The following HEPHL1 variants were observed in gnomAD, a reference collection of about 807,000 sequenced individuals.
HEPHL1 encodes the protein hephaestin like 1, also known as ferroxidase HEPHL1.
HEPHL1 carries 123 observed loss-of-function variants against 122.0 expected under a neutral mutation model. The ratio of observed to expected loss-of-function variants is 1.01; its 90% confidence interval spans 0.87 to 1.17. The LOEUF (loss-of-function observed/expected upper bound fraction) is 1.17. Among genes scored for constraint, HEPHL1 ranks in the 50% most tolerant of loss-of-function variants. The probability of loss-of-function intolerance (pLI) is 0.00; values close to 1 mark genes in which losing one functional copy is unlikely to be tolerated. For missense variants in HEPHL1, 1,452 were observed against 1,430.5 expected (o/e 1.01, Z -0.24); for synonymous variants, 527 against 508.9 (o/e 1.04, Z -0.48).
In HEPHL1 at chr11:94,045,838, T is replaced by A. The variant is rs372021195; in HGVS notation, c.336T>A (p.Ile112=). The change falls in exon 2 of 20, where the codon ATT becomes ATA. Residue 112 remains isoleucine, a synonymous_variant. Transcript: ENST00000315765. ...PILRAEVGDV[I]VIHLKNFASR... ...TGAGGGCCGAAGTGGGTGATGTGAT[T>A]GTCATTCATTTAAAGAACTTTGCTT... 12 of 1,613,804 alleles carry A rather than the reference T, an allele frequency of 7.4e-6. No homozygotes were observed. The African/African-American group carries it at 1.5e-4, about 20-fold the overall frequency.
Position 94,106,779 on chromosome 11 carries a change from T to C in HEPHL1, c.3045+649T>C, listed in dbSNP as rs149062848. 4.8e-3 allele frequency among the ~76,000 whole-genome samples: 727 copies of C among 152,318 alleles called. 3 individuals are homozygous for C. Among genetic ancestry groups the C allele is most frequent in the Admixed American group, 0.01 (158 of 15,306 alleles). On this transcript the variant is annotated intron_variant, in intron 17 of 19. Coordinates refer to ENST00000315765, the MANE Select transcript of HEPHL1 (RefSeq NM_001098672.2). ...TCCCTTTTCCTCACCCTTCCTTTTT[T>C]CTTTCCCTTTCCTTCTCCCCACCCT...
At chr11:94,021,810 G>A (rs1276389327) in intron 1 of HEPHL1, among the ~76,000 whole-genome samples, 9 of 152,286 alleles carry the variant, frequency 5.9e-5, no homozygotes, top group African/African-American at 2.2e-4. Flanking sequence ...TTTCCACCAG[G>A]TACTACTAGT....
intron 13 of HEPHL1, among the ~76,000 whole-genome samples, chr11:94,099,454 G>A (rs952244228): frequency 6.6e-6 from 1 of 152,148 alleles, no homozygotes; most frequent in East Asian, 1.9e-4. Flanking sequence ...AGGCTACTTG[G>A]GTGTCAGGGA....
chr11:94,075,190 G>T lies in HEPHL1; in HGVS notation c.1521G>T (p.Gly507=), dbSNP rs755078094. 6.2e-7 allele frequency: 1 copy of T among 1,612,866 alleles called. No homozygotes were observed. Among genetic ancestry groups the T allele is most frequent in the South Asian group, 1.1e-5 (1 of 90,928 alleles). The change falls in exon 9 of 20, where the codon GGG becomes GGT. Residue 507 remains glycine, a synonymous_variant. Transcript: ENST00000315765. ...TATCCTCAGGATTTGTGAAACCAGG[G>T]GCGCATGTTAAACCAGGTGAAACCT... ...APNLDGFVKP[G]AHVKPGETFT...
At chr11:94,092,479 C>T (rs1341934672) in intron 12 of HEPHL1, among the ~76,000 whole-genome samples, 1 of 152,168 alleles carries the variant, frequency 6.6e-6, no homozygotes, top group South Asian at 2.1e-4. Context: ...AGTCTCTCTG[C>T]CTTCTTGTTT....
At chr11:94,086,460 T>C (rs886573157) in intron 11 of HEPHL1, among the ~76,000 whole-genome samples, 1 of 152,220 alleles carries the variant, frequency 6.6e-6, no homozygotes, top group African/African-American at 2.4e-5. Flanking sequence ...ATGTTTTTGA[T>C]TCACAGTCCA....
chr11:94,089,714 C>T (rs1442280209), intron 12 of HEPHL1, among the ~76,000 whole-genome samples: 1 of 152,176 alleles, frequency 6.6e-6, no homozygotes, highest in East Asian at 1.9e-4. Context: ...CAGGGCTAAT[C>T]CCCTCCCTCC....
intron 12 of HEPHL1, among the ~76,000 whole-genome samples, chr11:94,091,911 G>A (rs140809779): frequency 3.3e-5 from 5 of 152,342 alleles, no homozygotes; most frequent in Non-Finnish European, 7.3e-5. Context: ...GAGCCTAGGG[G>A]CTAGTGATGG....
rs1415249650 is a variant in HEPHL1 at position 94,042,633 on chromosome 11, T to C, written c.171-3040T>C. ...AGTAAACTATCGCGAGAACAAAAAA[T>C]CAAACACCGCATATTCTCACTCATA... On this transcript the variant is annotated intron_variant, in intron 1 of 19. Coordinates refer to ENST00000315765, the MANE Select transcript of HEPHL1 (RefSeq NM_001098672.2). 8.5e-3 allele frequency among the ~76,000 whole-genome samples: 1,252 copies of C among 146,962 alleles called. 18 individuals carry two copies. The highest frequency in any genetic ancestry group is 0.03 in the African/African-American group (1,167 of 39,476).
chr11:94,071,208 T>C (rs1395892606), intron 6 of HEPHL1, among the ~76,000 whole-genome samples: 18 of 152,120 alleles, frequency 1.2e-4, no homozygotes, highest in Non-Finnish European at 1.2e-4. Context: ...ATATGCAAAG[T>C]TGTCTGTGAA....
intron 4 of HEPHL1, among the ~76,000 whole-genome samples, chr11:94,067,072 C>T (rs1396665837): frequency 6.6e-6 from 1 of 152,146 alleles, no homozygotes; most frequent in African/African-American, 2.4e-5. Context: ...TCTGCTAGGT[C>T]CTGATAACTG....
At position 94,021,518 on chromosome 11, in the gene HEPHL1, G is replaced by A. The variant is rs766873666; in HGVS notation, c.150G>A (p.Gly50=). Residue 50 remains glycine (G), a synonymous_variant, in exon 1 of 20, where the codon GGG becomes GGA. Coordinates refer to ENST00000315765, the MANE Select transcript of HEPHL1 (RefSeq NM_001098672.2). ...YVPQGKNVIT[G]KSFTEDKLAT... is the part of the protein sequence containing the mutation. ...CCCAAGGGAAGAATGTTATTACTGGGAAAAGTTTCACAGAAGACAAGTGAG... is the reference window on the plus strand; with the variant it reads ...CCCAAGGGAAGAATGTTATTACTGGAAAAAGTTTCACAGAAGACAAGTGAG... 1 of 1,609,622 alleles carries A rather than the reference G, an allele frequency of 6.2e-7. No individual in the cohort carries two copies. The highest frequency in any genetic ancestry group is 1.3e-5 in the African/African-American group (1 of 74,886).
rs1946471837 is a variant in HEPHL1 at position 94,113,939 on chromosome 11, A to G, written c.*2045A>G. ...CTCAAACATTGTTTCCTCAAACATA[A>G]CTACACTCCTTGTTCTCAGCCTCAC... On this transcript the variant is annotated 3_prime_UTR_variant, in exon 20 of 20. Coordinates refer to ENST00000315765, the MANE Select transcript of HEPHL1 (RefSeq NM_001098672.2). 6.6e-6 allele frequency among the ~76,000 whole-genome samples: 1 copy of G among 152,202 alleles called. No individual in the cohort carries two copies. Among genetic ancestry groups the G allele is most frequent in the South Asian group, 2.1e-4 (1 of 4,826 alleles).
At chr11:94,064,305 T>C in intron 3 of HEPHL1, 26 bp from the exon 4 acceptor site, 1 of 1,571,388 alleles carries the variant, frequency 6.4e-7, no homozygotes, top group Non-Finnish European at 8.7e-7. Flanking sequence ...GTTCTTTCTC[T>C]CTACTCTTTT....
intron 1 of HEPHL1, among the ~76,000 whole-genome samples, chr11:94,036,969 C>A (rs1008268109): frequency 3.3e-5 from 5 of 152,162 alleles, no homozygotes; most frequent in Non-Finnish European, 5.9e-5. Context: ...GGGTTCATCT[C>A]ACTAGGGAGT....
chr11:94,094,568 T>C (rs1351997306), intron 13 of HEPHL1, among the ~76,000 whole-genome samples: 3 of 152,172 alleles, frequency 2.0e-5, no homozygotes, highest in Non-Finnish European at 1.5e-5. Flanking sequence ...CTTGAGGAAT[T>C]GCCACACTGT....
At chr11:94,074,052 C>G (rs1020772268) in intron 8 of HEPHL1, among the ~76,000 whole-genome samples, 1 of 152,128 alleles carries the variant, frequency 6.6e-6, no homozygotes. Context: ...TGGGAAACTT[C>G]TAGTTCCTTG....
chr11:94,084,594 T>C (rs1481394999), intron 10 of HEPHL1, among the ~76,000 whole-genome samples: 3 of 152,110 alleles, frequency 2.0e-5, no homozygotes, highest in Admixed American at 6.5e-5. Flanking sequence ...AATATGTTTA[T>C]TGAAAGAAAG....
At position 94,052,064 on chromosome 11, in the gene HEPHL1, A is replaced by C. The variant is rs112687495; in HGVS notation, c.415+6147A>C. ...TAGCTCTGTAGTATAATTTGAAGTCAGGTAATGTGATTCCTCCAGTTTTGT... is the reference window on the plus strand; with the variant it reads ...TAGCTCTGTAGTATAATTTGAAGTCCGGTAATGTGATTCCTCCAGTTTTGT... On this transcript the variant is annotated intron_variant, in intron 2 of 19. Coordinates refer to ENST00000315765, the MANE Select transcript of HEPHL1 (RefSeq NM_001098672.2). 2.9e-3 allele frequency among the ~76,000 whole-genome samples: 448 copies of C among 152,234 alleles called. 3 individuals are homozygous for C. Among genetic ancestry groups the C allele is most frequent in the African/African-American group, 0.01 (432 of 41,524 alleles).
Sources: gnomAD v4.1 joint callset for allele counts (sites outside exome capture counted in the v4.1 genomes callset) on GRCh38, gnomAD v4.1.1 for gene constraint, MANE v1.5 for transcripts, NCBI Gene and HGNC (gene_info 2026-07-23, HGNC 2026-07-21) for gene names.